FARP1: variants seen among roughly 807,000 people sequenced by gnomAD.
FARP1 encodes FERM, ARHGEF and pleckstrin domain-containing protein 1.
A neutral mutation model predicts 128.8 loss-of-function variants in FARP1; 52 were observed. That is an observed-to-expected ratio of 0.40 (90% confidence interval 0.32 to 0.51). FARP1 has a LOEUF of 0.51. Ranked by LOEUF, FARP1 falls within the 20% of genes least tolerant of loss-of-function variation. The pLI, the probability that FARP1 is intolerant of heterozygous loss-of-function variation, is 0.45. For missense variants in FARP1, 1,333 were observed against 1,367.9 expected (o/e 0.97, Z 0.40); for synonymous variants, 580 against 551.8 (o/e 1.05, Z -0.72).
intron 16 of FARP1, among the ~76,000 whole-genome samples, chr13:98,412,713 A>G (rs1247150654): frequency 6.6e-6 from 1 of 152,234 alleles, no homozygotes; most frequent in African/African-American, 2.4e-5. Context: ...AAAAACCAGG[A>G]AAAGCTTTAT....
intron 3 of FARP1, among the ~76,000 whole-genome samples, chr13:98,360,761 C>T (rs77708737): frequency 0.013 from 2,052 of 152,312 alleles, 44 homozygotes; most frequent in African/African-American, 0.047. Context: ...AATGAGATTT[C>T]TCTAGAGGTC....
chr13:98,313,558 G>C (rs1482026103), intron 2 of FARP1, among the ~76,000 whole-genome samples: 1 of 152,180 alleles, frequency 6.6e-6, no homozygotes, highest in Non-Finnish European at 1.5e-5. Context: ...ATAAACTTCT[G>C]TTCCTTTAAG....
chr13:98,222,633 T>G (rs899965480), intron 2 of FARP1, among the ~76,000 whole-genome samples: 5 of 151,588 alleles, frequency 3.3e-5, no homozygotes, highest in African/African-American at 1.2e-4. Context: ...TTTTTTTTTT[T>G]GTTTTTTGAG....
chr13:98,441,988 C>G (rs561030895), intron 24 of FARP1, among the ~76,000 whole-genome samples: 3 of 152,288 alleles, frequency 2.0e-5, no homozygotes, highest in African/African-American at 7.2e-5. Context: ...CAGAACACTT[C>G]AAGCCCGTGA....
At chr13:98,438,893 G>T (rs7984446) in intron 20 of FARP1, 21 bp downstream of exon 20, 3 of 1,611,124 alleles carry the variant, frequency 1.9e-6, no homozygotes. Flanking sequence ...AGAGCGGCTT[G>T]TCCTCACAAG....
intron 16 of FARP1, among the ~76,000 whole-genome samples, chr13:98,418,786 C>T (rs1891482955): frequency 6.6e-6 from 1 of 152,148 alleles, no homozygotes; most frequent in African/African-American, 2.4e-5. Context: ...TGACACAGCT[C>T]TTCTCTTCTA....
chr13:98,217,813 G>T (rs528443269), intron 2 of FARP1, among the ~76,000 whole-genome samples: 5 of 152,296 alleles, frequency 3.3e-5, no homozygotes, highest in Admixed American at 2.6e-4. Flanking sequence ...GTTCTTGTTC[G>T]TCATCATATC....
At chr13:98,200,396 C>CCCCCCGG (rs1555327094) in intron 1 of FARP1, among the ~76,000 whole-genome samples, 4 of 147,152 alleles carry the variant, frequency 2.7e-5, no homozygotes, top group African/African-American at 1.0e-4. Flanking sequence ...CACCCCCCCC[C>CCCCCCGG]CCTCCCCTTT....
chr13:98,196,835 T>G (rs1879594650), intron 1 of FARP1, among the ~76,000 whole-genome samples: 1 of 152,256 alleles, frequency 6.6e-6, no homozygotes, highest in African/African-American at 2.4e-5. Context: ...ACATTTAAAC[T>G]TTCTCATTTT....
At chr13:98,305,818 C>G (rs972287519) in intron 2 of FARP1, among the ~76,000 whole-genome samples, 5 of 152,130 alleles carry the variant, frequency 3.3e-5, no homozygotes, top group African/African-American at 7.2e-5. Flanking sequence ...TAAAACTCCA[C>G]TTAAGTTCAA....
intron 2 of FARP1, chr13:98,338,444 G>C (rs1887829816): frequency 6.6e-6 from 1 of 152,164 alleles, no homozygotes; most frequent in Non-Finnish European, 1.5e-5. Context: ...ATTTCACTTA[G>C]AACAGTGTCT....
At chr13:98,297,378 G>A (rs1885743843) in intron 2 of FARP1, among the ~76,000 whole-genome samples, 1 of 152,198 alleles carries the variant, frequency 6.6e-6, no homozygotes, top group Non-Finnish European at 1.5e-5. Context: ...AGCTCCAGGT[G>A]TGCAATAGAA....
intron 2 of FARP1, among the ~76,000 whole-genome samples, chr13:98,218,330 TA>T (rs777263251): frequency 8.5e-5 from 13 of 152,336 alleles, no homozygotes; most frequent in Non-Finnish European, 1.6e-4. Context: ...TCATGGTCTC[TA>T]ATCTTGCCCC....
chr13:98,356,621 T>TTTTATTTATTTA (rs141310849), intron 3 of FARP1, among the ~76,000 whole-genome samples: 9,709 of 144,258 alleles, frequency 0.067, 520 homozygotes, highest in African/African-American at 0.13. Context: ...CCTTTTAAAA[T>TTTTATTTATTTA]TTTATTTATT....
At chr13:98,372,605 A>G (rs1414633558) in intron 5 of FARP1, among the ~76,000 whole-genome samples, 1 of 152,164 alleles carries the variant, frequency 6.6e-6, no homozygotes, top group Non-Finnish European at 1.5e-5. Flanking sequence ...GGAGAATTCT[A>G]AATTGCTTAT....
intron 2 of FARP1, among the ~76,000 whole-genome samples, chr13:98,308,697 C>G (rs1886303058): frequency 6.6e-6 from 1 of 152,182 alleles, no homozygotes; most frequent in Admixed American, 6.5e-5. Context: ...GAGATGGGGT[C>G]TCACTCTGCT....
intron 9 of FARP1, 100 bp from the exon 10 acceptor site, chr13:98,389,857 A>G: frequency 1.7e-6 from 2 of 1,195,706 alleles, no homozygotes; most frequent in Non-Finnish European, 1.2e-6. Flanking sequence ...TACACAGCGA[A>G]AACTTTATCG....
chr13:98,305,024 G>A (rs557240648), intron 2 of FARP1, among the ~76,000 whole-genome samples: 17 of 149,328 alleles, frequency 1.1e-4, no homozygotes, highest in African/African-American at 3.9e-4. Context: ...CTTTTAGCAA[G>A]AGAGAGAGAG....
At chr13:98,352,424 C>T (rs1175311093) in intron 3 of FARP1, among the ~76,000 whole-genome samples, 1 of 152,072 alleles carries the variant, frequency 6.6e-6, no homozygotes. Flanking sequence ...TCAAGAGAGA[C>T]TACTGAGAGG....
Sources: allele counts gnomAD v4.1 joint callset (sites outside exome capture counted in the v4.1 genomes callset), GRCh38; gene constraint gnomAD v4.1.1; transcripts MANE v1.5; gene names NCBI Gene and HGNC (gene_info 2026-07-23, HGNC 2026-07-21).